The following CNKSR2 variants were observed in gnomAD, a reference collection of about 807,000 sequenced individuals.
CNKSR2 encodes the protein CNK homolog protein 2.
A neutral mutation model predicts 84.4 loss-of-function variants in CNKSR2; 14 were observed. The ratio of observed to expected loss-of-function variants is 0.17; its 90% confidence interval spans 0.11 to 0.26. The LOEUF (loss-of-function observed/expected upper bound fraction) is 0.26. Among genes scored for constraint, CNKSR2 ranks in the 10% least tolerant of loss-of-function variants. The probability of loss-of-function intolerance (pLI) is 1.00; values close to 1 mark genes in which losing one functional copy is unlikely to be tolerated. For missense variants in CNKSR2, 485 were observed against 771.2 expected, an observed-to-expected ratio of 0.63 and a Z score of 4.40; for synonymous variants, 275 against 277.9, an observed-to-expected ratio of 0.99 and a Z score of 0.10.
At chrX:21,530,025 A>T (rs761189554) in intron 10 of CNKSR2, among the ~76,000 whole-genome samples, 1 of 110,404 alleles carries the variant, frequency 9.1e-6, no homozygotes, top group Non-Finnish European at 1.9e-5. Context: ...GCATAACCTT[A>T]CTCCAGTGCC....
rs1249941713 is a variant in CNKSR2 at position 21,504,637 on chromosome X, AT to A, written c.810+3056del. The A allele has an allele frequency of 1.8e-5, 5 of 276,914 alleles. No individual in the cohort carries two copies. In the East Asian group the frequency reaches 2.0e-4, roughly 11 times the overall value. The allele number at this position is 276,914 out of a possible 1,213,427, so 22.8% of individuals were successfully genotyped here. ...AATAAATCAGATGAATTCAAATACT[AT>A]TTTTTTAAATTGCTAGTATGGTATA... is the stretch of plus-strand genomic sequence containing the variant. On this transcript the variant is annotated intron_variant, in intron 8 of 21. Transcript: ENST00000379510.
chrX:21,506,366 A>G (rs1174158430), intron 8 of CNKSR2: 1 of 111,521 alleles, frequency 9.0e-6, no homozygotes, highest in Non-Finnish European at 1.9e-5. Context: ...TTAGTTACTC[A>G]TAATAATATT....
At chrX:21,581,830 T>C (rs1408741549) in intron 13 of CNKSR2, among the ~76,000 whole-genome samples, 1 of 112,058 alleles carries the variant, frequency 8.9e-6, no homozygotes, top group East Asian at 2.8e-4. Flanking sequence ...AGAACTAATA[T>C]AGTAGGTAAA....
At chrX:21,421,015 G>A (rs761834376) in intron 1 of CNKSR2, among the ~76,000 whole-genome samples, 27 of 111,536 alleles carry the variant, frequency 2.4e-4, no homozygotes, top group Non-Finnish European at 4.9e-4. Context: ...AATCCTCATA[G>A]CACTTTAGCC....
chrX:21,438,153 C>T (rs2090734482), intron 3 of CNKSR2, among the ~76,000 whole-genome samples: 2 of 111,565 alleles, frequency 1.8e-5, no homozygotes, highest in African/African-American at 6.5e-5. Context: ...GCTTACATAA[C>T]CTAGATGATA....
chrX:21,591,919 A>G lies in CNKSR2; in HGVS notation c.1830+725A>G, dbSNP rs1569261988. On this transcript the variant is annotated intron_variant, in intron 15 of 21. Coordinates refer to ENST00000379510, the MANE Select transcript of CNKSR2 (RefSeq NM_014927.5). ...CTAGTTCACTTTATTAGTTTTTTAA[A>G]ACAATGATTTCTGCTATTTCCTTAT... 2.7e-5 allele frequency: 3 copies of G among 111,881 alleles called. No individual in the cohort carries two copies. In the East Asian group the frequency reaches 8.3e-4, roughly 31 times the overall value. The allele number at this position is 111,881 out of a possible 1,213,427, so 9.2% of individuals were successfully genotyped here.
chrX:21,386,185 C>G (rs1207056891), intron 1 of CNKSR2, among the ~76,000 whole-genome samples: 1 of 111,418 alleles, frequency 9.0e-6, no homozygotes, highest in African/African-American at 3.3e-5. Context: ...AAGATTTACT[C>G]AGCAGTGGTT....
chrX:21,516,394 T>A (rs1478344391), intron 8 of CNKSR2, 91 bp from the exon 9 acceptor site: 2 of 966,319 alleles, frequency 2.1e-6, no homozygotes, highest in African/African-American at 4.0e-5. Context: ...TTATGTGACT[T>A]TTTTTTTTAC....
intron 1 of CNKSR2, among the ~76,000 whole-genome samples, chrX:21,418,462 T>C (rs1355579456): frequency 4.5e-5 from 5 of 112,085 alleles, no homozygotes; most frequent in Admixed American, 2.8e-4. Flanking sequence ...TCCTTTAGCA[T>C]TTCTTGCAGG....
intron 4 of CNKSR2, among the ~76,000 whole-genome samples, chrX:21,462,753 G>A (rs945115801): frequency 1.0e-4 from 10 of 98,575 alleles, no homozygotes; most frequent in Admixed American, 5.6e-4. Flanking sequence ...TCACTCTGTC[G>A]CCCAGGTTGG....
intron 5 of CNKSR2, among the ~76,000 whole-genome samples, chrX:21,473,633 A>G (rs2091224353): frequency 9.1e-6 from 1 of 109,526 alleles, no homozygotes; most frequent in Non-Finnish European, 1.9e-5. Flanking sequence ...TGCTAGGATA[A>G]AATAAATCAG....
At chrX:21,443,932 A>G (rs2090818599) in intron 4 of CNKSR2, among the ~76,000 whole-genome samples, 1 of 111,819 alleles carries the variant, frequency 8.9e-6, no homozygotes, top group Non-Finnish European at 1.9e-5. Flanking sequence ...TTAAATACAG[A>G]AAATAAAAGT....
chrX:21,399,565 T>C lies in CNKSR2; in HGVS notation c.64+24604T>C, dbSNP rs780023348. 2.7e-5 allele frequency among the ~76,000 whole-genome samples: 3 copies of C among 111,942 alleles called. No homozygotes were observed. The East Asian group carries it at 8.5e-4, about 32-fold the overall frequency. On this transcript the variant is annotated intron_variant, in intron 1 of 21. Transcript: ENST00000379510. ...CATGTTGCTACGTACTTAGATGTTT[T>C]AAAAATTTTCTCTAAACGTTTAATC...
At chrX:21,377,182 C>T in intron 1 of CNKSR2, among the ~76,000 whole-genome samples, 1 of 111,710 alleles carries the variant, frequency 9.0e-6, no homozygotes, top group East Asian at 2.8e-4. Context: ...ATATAATTAC[C>T]TGTATATTTC....
chrX:21,431,800 C>T (rs2090637134), intron 2 of CNKSR2, among the ~76,000 whole-genome samples: 1 of 111,417 alleles, frequency 9.0e-6, no homozygotes, highest in Admixed American at 9.6e-5. Flanking sequence ...ATTCATATAA[C>T]CCGTTTCTGC....
chrX:21,549,387 A>G (rs1341856789), intron 11 of CNKSR2, among the ~76,000 whole-genome samples: 2 of 111,995 alleles, frequency 1.8e-5, no homozygotes, highest in East Asian at 5.6e-4. Flanking sequence ...AAGGAGAACT[A>G]CAAACCACTG....
intron 20 of CNKSR2, among the ~76,000 whole-genome samples, chrX:21,639,390 G>A (rs758457351): frequency 8.9e-6 from 1 of 111,926 alleles, no homozygotes; most frequent in African/African-American, 3.3e-5. Context: ...CTTAAGATTC[G>A]TAATGCACAT....
chrX:21,430,800 A>G (rs2090624730), intron 2 of CNKSR2, among the ~76,000 whole-genome samples: 1 of 111,769 alleles, frequency 8.9e-6, no homozygotes, highest in Non-Finnish European at 1.9e-5. Context: ...TTTCTTTCAT[A>G]CTGTAGTGAC....
At chrX:21,637,452 TACC>T (rs1443491529) in intron 20 of CNKSR2, 1 of 112,147 alleles carries the variant, frequency 8.9e-6, no homozygotes, top group African/African-American at 3.2e-5. Context: ...TATCACTAGT[TACC>T]ACTTTATTTA....
Sources: allele counts gnomAD v4.1 joint callset (sites outside exome capture counted in the v4.1 genomes callset), GRCh38; gene constraint gnomAD v4.1.1; transcripts MANE v1.5; gene names NCBI Gene and HGNC (gene_info 2026-07-23, HGNC 2026-07-21).